Variants in DPP10 observed in about 807,000 individuals in gnomAD.
The protein encoded by DPP10 is inactive dipeptidyl peptidase 10.
A neutral mutation model predicts 120.9 loss-of-function variants in DPP10; 33 were observed. The observed-to-expected ratio is 0.27, with a 90% CI of 0.21 to 0.37. DPP10 has a LOEUF of 0.37. DPP10 is among the 10% of genes least tolerant of loss of function. DPP10 has a pLI of 1.00. For synonymous variants in DPP10, 337 were observed against 326.1 expected, an observed-to-expected ratio of 1.03 and a Z score of -0.36; for missense variants, 816 against 942.8, an observed-to-expected ratio of 0.87 and a Z score of 1.76.
At chr2:114,492,664 A>G (rs561255923) in intron 1 of DPP10, among the ~76,000 whole-genome samples, 2 of 152,190 alleles carry the variant, frequency 1.3e-5, no homozygotes, top group Non-Finnish European at 2.9e-5. Flanking sequence ...TCTTAAATAG[A>G]AGTTAAAAGC....
intron 5 of DPP10, among the ~76,000 whole-genome samples, chr2:115,607,152 G>A (rs755031616): frequency 5.9e-5 from 9 of 152,132 alleles, no homozygotes; most frequent in Non-Finnish European, 1.2e-4. Context: ...GACTTTGTAC[G>A]AATCCCTTAC....
At chr2:114,921,116 G>A (rs1574488824) in intron 1 of DPP10, among the ~76,000 whole-genome samples, 1 of 152,278 alleles carries the variant, frequency 6.6e-6, no homozygotes, top group Non-Finnish European at 1.5e-5. Flanking sequence ...CAGTGATGTT[G>A]TAAAATCCAC....
chr2:115,448,160 C>T (rs1214099959), intron 3 of DPP10, among the ~76,000 whole-genome samples: 1 of 152,072 alleles, frequency 6.6e-6, no homozygotes, highest in Non-Finnish European at 1.5e-5. Context: ...GGAAAATACA[C>T]AGAATGAGAT....
At chr2:114,985,115 C>T (rs1422276068) in intron 1 of DPP10, among the ~76,000 whole-genome samples, 2 of 152,184 alleles carry the variant, frequency 1.3e-5, no homozygotes, top group African/African-American at 2.4e-5. Context: ...TCTCTAACTC[C>T]ATCTCATCTC....
At chr2:115,488,899 AAT>A (rs1239599436) in intron 3 of DPP10, among the ~76,000 whole-genome samples, 35 of 149,814 alleles carry the variant, frequency 2.3e-4, no homozygotes, top group African/African-American at 7.6e-4. Context: ...AAAAAAAAAA[AAT>A]ATGTATCTCT....
intron 1 of DPP10, among the ~76,000 whole-genome samples, chr2:114,883,868 C>T (rs546885515): frequency 2.6e-5 from 4 of 152,266 alleles, no homozygotes; most frequent in Non-Finnish European, 4.4e-5. Context: ...GTGTTCCTCA[C>T]ATGGCATTTG....
At chr2:115,538,972 A>T (rs2079028003) in intron 5 of DPP10, among the ~76,000 whole-genome samples, 1 of 152,000 alleles carries the variant, frequency 6.6e-6, no homozygotes, top group Admixed American at 6.6e-5. Context: ...ATATATTAGT[A>T]ATTGATTTAA....
intron 1 of DPP10, among the ~76,000 whole-genome samples, chr2:115,217,801 A>G (rs966811527): frequency 7.2e-5 from 11 of 151,856 alleles, no homozygotes; most frequent in African/African-American, 1.7e-4. Context: ...TCTTTTGCTC[A>G]TGTAGTTATT....
At chr2:115,067,606 T>G (rs7574029) in intron 1 of DPP10, among the ~76,000 whole-genome samples, 142,107 of 142,112 alleles carry the variant, frequency 1, 71,051 homozygotes, top group Middle Eastern at 1. Flanking sequence ...GCTCACGCCT[T>G]TGATCCCAAC....
intron 3 of DPP10, among the ~76,000 whole-genome samples, chr2:115,348,485 G>T (rs900973620): frequency 2.6e-5 from 4 of 151,052 alleles, no homozygotes; most frequent in African/African-American, 9.7e-5. Context: ...TGTTTACATA[G>T]TTTTTTTTTA....
At chr2:115,785,974 T>C (rs1683299163) in intron 17 of DPP10, among the ~76,000 whole-genome samples, 1 of 152,076 alleles carries the variant, frequency 6.6e-6, no homozygotes. Context: ...AATACACTAA[T>C]GTTTAAATAA....
At chr2:115,819,134 A>T (rs1282721922) in intron 21 of DPP10, among the ~76,000 whole-genome samples, 3 of 152,174 alleles carry the variant, frequency 2.0e-5, no homozygotes, top group Non-Finnish European at 4.4e-5. Context: ...CCCTGGAAAA[A>T]TTTGTTTAAA....
intron 5 of DPP10, among the ~76,000 whole-genome samples, chr2:115,624,752 T>C (rs1406840540): frequency 2.0e-5 from 3 of 152,216 alleles, no homozygotes; most frequent in African/African-American, 7.2e-5. Flanking sequence ...AAACATCTGT[T>C]AGAAAGACAG....
At chr2:115,285,932 A>G (rs2060344553) in intron 1 of DPP10, among the ~76,000 whole-genome samples, 1 of 152,046 alleles carries the variant, frequency 6.6e-6, no homozygotes, top group South Asian at 2.1e-4. Context: ...CTTTCCCGCT[A>G]CAGGATAAGA....
intron 1 of DPP10, among the ~76,000 whole-genome samples, chr2:115,179,469 A>G (rs1383910365): frequency 6.6e-6 from 1 of 152,152 alleles, no homozygotes; most frequent in African/African-American, 2.4e-5. Flanking sequence ...TAATTTGAGA[A>G]ATGAGAGGCA....
chr2:115,485,928 A>G (rs868213828), intron 3 of DPP10, among the ~76,000 whole-genome samples: 4 of 152,204 alleles, frequency 2.6e-5, no homozygotes, highest in Middle Eastern at 3.4e-3. Flanking sequence ...GAAATAGCCA[A>G]TGGTGAATTT....
intron 2 of DPP10, among the ~76,000 whole-genome samples, chr2:115,327,025 T>A (rs1392133295): frequency 6.6e-6 from 1 of 152,076 alleles, no homozygotes; most frequent in African/African-American, 2.4e-5. Flanking sequence ...TAACTTCCAA[T>A]CCTACAAGCT....
intron 5 of DPP10, among the ~76,000 whole-genome samples, chr2:115,587,368 T>C (rs2082363986): frequency 6.6e-6 from 1 of 151,976 alleles, no homozygotes; most frequent in Non-Finnish European, 1.5e-5. Flanking sequence ...AAAGTGAACA[T>C]TGTCCTTTTT....
intron 5 of DPP10, among the ~76,000 whole-genome samples, chr2:115,640,573 A>T (rs114221720): frequency 6.6e-6 from 1 of 152,114 alleles, no homozygotes; most frequent in Non-Finnish European, 1.5e-5. Context: ...AATATGGTGA[A>T]CTCATATTGG....
Sources: gnomAD v4.1 joint callset for allele counts (sites outside exome capture counted in the v4.1 genomes callset) on GRCh38, gnomAD v4.1.1 for gene constraint, MANE v1.5 for transcripts, NCBI Gene and HGNC (gene_info 2026-07-23, HGNC 2026-07-21) for gene names.